Variants in DENND4A observed in about 807,000 individuals in gnomAD.
DENND4A encodes DENN domain containing 4A, also known as C-myc promoter-binding protein.
A neutral mutation model predicts 199.3 loss-of-function variants in DENND4A; 70 were observed. That is an observed-to-expected ratio of 0.35 (90% CI 0.29 to 0.43). The LOEUF (loss-of-function observed/expected upper bound fraction) is 0.43. Ranked by LOEUF, DENND4A falls within the 20% of genes least tolerant of loss-of-function variation. The pLI is 1.00. For synonymous variants in DENND4A, 686 were observed against 766.9 expected (o/e 0.89, Z 1.74); for missense variants, 1,723 against 2,255.8 (o/e 0.76, Z 4.78).
intron 1 of DENND4A, among the ~76,000 whole-genome samples, chr15:65,774,065 A>T (rs1166930862): frequency 6.6e-6 from 1 of 152,202 alleles, no homozygotes; most frequent in Admixed American, 6.5e-5. Context: ...CTGATATAAA[A>T]TGTTTTATTG....
intron 3 of DENND4A, 43 bp downstream of exon 3, chr15:65,756,097 T>C (rs566415290): frequency 1.4e-6 from 2 of 1,476,540 alleles, no homozygotes; most frequent in African/African-American, 2.8e-5. Context: ...ACAAGGCATA[T>C]TATTTGGATC....
chr15:65,666,662 C>T (rs143341954), intron 29 of DENND4A, among the ~76,000 whole-genome samples: 2,190 of 152,010 alleles, frequency 0.014, 56 homozygotes, highest in African/African-American at 0.05. Context: ...GCCTATAACC[C>T]CAGCACTTTG....
At chr15:65,687,147 CT>C (rs1034739272) in intron 23 of DENND4A, among the ~76,000 whole-genome samples, 59 of 152,166 alleles carry the variant, frequency 3.9e-4, no homozygotes, top group African/African-American at 1.3e-3. Flanking sequence ...TTTTTATTGG[CT>C]TTTTGGCTAC....
intron 24 of DENND4A, 68 bp from the exon 25 acceptor site, chr15:65,671,954 T>A (rs2141894646): frequency 2.1e-6 from 2 of 940,496 alleles, no homozygotes; most frequent in Non-Finnish European, 3.5e-6. Flanking sequence ...AAGAATCTTT[T>A]ACTTCCATAA....
At chr15:65,788,988 T>C (rs1372555909) in intron 1 of DENND4A, among the ~76,000 whole-genome samples, 1 of 152,016 alleles carries the variant, frequency 6.6e-6, no homozygotes, top group Non-Finnish European at 1.5e-5. Flanking sequence ...CCTGCAAATC[T>C]TTTTGCCATT....
At chr15:65,702,190 G>A (rs964635243) in intron 17 of DENND4A, 115 bp downstream of exon 17, 1 of 891,104 alleles carries the variant, frequency 1.1e-6, no homozygotes, top group Non-Finnish European at 1.7e-6. Context: ...CATCTCTTGA[G>A]CTCAAGAGGT....
chr15:65,721,677 C>T (rs1202957633), intron 12 of DENND4A, among the ~76,000 whole-genome samples: 1 of 151,792 alleles, frequency 6.6e-6, no homozygotes, highest in Admixed American at 6.6e-5. Flanking sequence ...TCACGGCTCA[C>T]TGCAGTCTTA....
chr15:65,734,124 A>C (rs1425125044), intron 7 of DENND4A, among the ~76,000 whole-genome samples: 2 of 152,150 alleles, frequency 1.3e-5, no homozygotes, highest in African/African-American at 4.8e-5. Flanking sequence ...TGCCTCTTGC[A>C]GTTGAGACAA....
At chr15:65,712,828 A>C (rs890991522) in intron 14 of DENND4A, among the ~76,000 whole-genome samples, 2 of 152,152 alleles carry the variant, frequency 1.3e-5, no homozygotes, top group Non-Finnish European at 2.9e-5. Flanking sequence ...ATCATATATA[A>C]TAAAGCTTTT....
At chr15:65,771,521 A>G (rs2077124591) in intron 1 of DENND4A, 7 of 1,611,602 alleles carry the variant, frequency 4.3e-6, no homozygotes, top group Non-Finnish European at 4.2e-6. Context: ...CTGGCTTAAT[A>G]ATGACACGAG....
chr15:65,746,070 G>A (rs1225422181), intron 4 of DENND4A, among the ~76,000 whole-genome samples: 1 of 151,672 alleles, frequency 6.6e-6, no homozygotes, highest in Non-Finnish European at 1.5e-5. Flanking sequence ...GAACCCAGGA[G>A]GCGGAGGTTG....
chr15:65,728,878 A>G (rs1341778008), intron 11 of DENND4A, 194 bp downstream of exon 11: 4 of 638,016 alleles, frequency 6.3e-6, no homozygotes, highest in Non-Finnish European at 1.1e-5. Flanking sequence ...CCTTCCAACA[A>G]AACCTTCTTT....
intron 5 of DENND4A, among the ~76,000 whole-genome samples, chr15:65,740,421 G>A (rs532423095): frequency 6.7e-6 from 1 of 150,056 alleles, no homozygotes; most frequent in African/African-American, 2.5e-5. Context: ...AGCAACCTGG[G>A]CAATACAGCA....
At chr15:65,783,823 T>C (rs892966545) in intron 1 of DENND4A, among the ~76,000 whole-genome samples, 2 of 152,078 alleles carry the variant, frequency 1.3e-5, no homozygotes, top group Non-Finnish European at 2.9e-5. Flanking sequence ...TGAATAAATA[T>C]ATAAACGGAG....
chr15:65,784,890 G>GT (rs2077526641), intron 1 of DENND4A, among the ~76,000 whole-genome samples: 1 of 152,118 alleles, frequency 6.6e-6, no homozygotes, highest in East Asian at 1.9e-4. Flanking sequence ...TCTCATGCCT[G>GT]TAATCCCAGC....
intron 1 of DENND4A, among the ~76,000 whole-genome samples, chr15:65,789,035 TTAA>T (rs998112494): frequency 9.2e-5 from 14 of 152,120 alleles, no homozygotes; most frequent in Admixed American, 7.2e-4. Context: ...AATTTTTCTC[TTAA>T]TATTATATTA....
chr15:65,768,707 G>A (rs1427897779), intron 1 of DENND4A, among the ~76,000 whole-genome samples: 1 of 151,976 alleles, frequency 6.6e-6, no homozygotes, highest in Non-Finnish European at 1.5e-5. Flanking sequence ...ATTTTGCCAG[G>A]CGCGGTGGCT....
At chr15:65,694,678 A>G (rs185399661) in intron 22 of DENND4A, among the ~76,000 whole-genome samples, 1 of 152,324 alleles carries the variant, frequency 6.6e-6, no homozygotes, top group Admixed American at 6.5e-5. Context: ...AGTATATAAT[A>G]AGTATTTCTA....
intron 13 of DENND4A, among the ~76,000 whole-genome samples, 186 bp from the exon 14 acceptor site, chr15:65,715,809 C>T: frequency 6.6e-6 from 1 of 152,068 alleles, no homozygotes; most frequent in East Asian, 1.9e-4. Flanking sequence ...GGAACATAAA[C>T]CCAGATCTCT....
Sources: allele counts gnomAD v4.1 joint callset (sites outside exome capture counted in the v4.1 genomes callset), GRCh38; gene constraint gnomAD v4.1.1; transcripts MANE v1.5; gene names NCBI Gene and HGNC (gene_info 2026-07-23, HGNC 2026-07-21).